ATXN3: variants seen among roughly 807,000 people sequenced by gnomAD.
The protein encoded by ATXN3 is ataxin-3.
In ATXN3, 28 loss-of-function variants were observed where a neutral mutation model predicts 58.2. The ratio of observed to expected loss-of-function variants is 0.48; its 90% CI spans 0.36 to 0.66. The LOEUF (loss-of-function observed/expected upper bound fraction) is 0.66, where lower values mean the gene tolerates loss of function less well. ATXN3 is among the 30% of genes least tolerant of loss of function. The pLI, the probability that ATXN3 is intolerant of heterozygous loss-of-function variation, is 0.00. For missense variants in ATXN3, 321 were observed against 422.1 expected, an observed-to-expected ratio of 0.76 and a Z score of 2.10; for synonymous variants, 113 against 138.5, an observed-to-expected ratio of 0.82 and a Z score of 1.29.
At chr14:92,079,900 G>C (rs1028852896) in intron 9 of ATXN3, among the ~76,000 whole-genome samples, 7 of 152,038 alleles carry the variant, frequency 4.6e-5, no homozygotes, top group African/African-American at 1.7e-4. Flanking sequence ...ACCATGCCCG[G>C]CTAATTTTTG....
chr14:92,068,444 T>A (rs114495966), intron 10 of ATXN3, among the ~76,000 whole-genome samples: 1 of 152,160 alleles, frequency 6.6e-6, no homozygotes, highest in Non-Finnish European at 1.5e-5. Context: ...GGTTTTCTCT[T>A]GGTCTGAACC....
chr14:92,071,205 A>C (rs1381584536), intron 9 of ATXN3, 152 bp from the exon 10 acceptor site: 105 of 1,198,210 alleles, frequency 8.8e-5, no homozygotes, highest in Non-Finnish European at 1.2e-4. Flanking sequence ...AGTCTGATAC[A>C]GATTACTTTA....
At chr14:92,076,583 C>G (rs55693371) in intron 9 of ATXN3, among the ~76,000 whole-genome samples, 20,569 of 151,174 alleles carry the variant, frequency 0.14, 1,596 homozygotes, top group African/African-American at 0.22. Context: ...TTAGATATAC[C>G]TGTAAATTTT....
chr14:92,058,153 T>G (rs2057499436), downstream of ATXN3, among the ~76,000 whole-genome samples: 1 of 152,234 alleles, frequency 6.6e-6, no homozygotes, highest in Non-Finnish European at 1.5e-5. Context: ...TGTGCTGGCC[T>G]GCGTTATTCA....
At chr14:92,101,984 C>G (rs1032118354) in intron 1 of ATXN3, among the ~76,000 whole-genome samples, 1 of 152,156 alleles carries the variant, frequency 6.6e-6, no homozygotes, top group Non-Finnish European at 1.5e-5. Flanking sequence ...GAAACCTCGT[C>G]TCTACTAAAA....
rs529883696 is a variant in ATXN3 at position 92,097,075 on chromosome 14, A to T, written c.25-237T>A. The T allele has an allele frequency of 5.3e-4, 211 of 401,798 alleles. 4 individuals are homozygous for T. In the East Asian group the frequency reaches 0.01, roughly 20 times the overall value. The allele number at this position is 401,798 out of a possible 1,614,324, so 24.9% of individuals were successfully genotyped here. A position where few individuals can be genotyped will look rare whatever the true frequency, so the allele number is the denominator to read the frequency against. Reference sequence around the variant, plus strand: ...GGCACCCGCCACCACGCCCGGCTAAATTTTTGTATTTTTAGTAGAGACGGG... The same window carrying T: ...GGCACCCGCCACCACGCCCGGCTAATTTTTTGTATTTTTAGTAGAGACGGG... On this transcript the variant is annotated intron_variant, in intron 1 of 10. Transcript: ENST00000644486.
intron 5 of ATXN3, among the ~76,000 whole-genome samples, chr14:92,089,798 C>G (rs1436886516): frequency 6.6e-6 from 1 of 152,188 alleles, no homozygotes; most frequent in African/African-American, 2.4e-5. Flanking sequence ...CCAATCATAT[C>G]TATCACACTG....
chr14:92,072,954 G>A (rs1456668877), intron 9 of ATXN3, among the ~76,000 whole-genome samples: 1 of 152,242 alleles, frequency 6.6e-6, no homozygotes, highest in Non-Finnish European at 1.5e-5. Flanking sequence ...TGACCTGTGT[G>A]TAGGTGTAAG....
intron 3 of ATXN3, among the ~76,000 whole-genome samples, chr14:92,094,454 T>C (rs910193645): frequency 6.6e-6 from 1 of 152,206 alleles, no homozygotes; most frequent in Non-Finnish European, 1.5e-5. Flanking sequence ...TCTGATAATT[T>C]GGCTGCTGTG....
At chr14:92,096,373 C>T in intron 2 of ATXN3, 4 of 1,330,434 alleles carry the variant, frequency 3.0e-6, no homozygotes, top group Non-Finnish European at 4.0e-6. Context: ...ACCTATAATC[C>T]CAGCACTTTG....
upstream of ATXN3, among the ~76,000 whole-genome samples, chr14:92,051,110 A>G (rs1222278005): frequency 6.6e-6 from 1 of 152,206 alleles, no homozygotes; most frequent in East Asian, 1.9e-4. Flanking sequence ...GCACTCTTGT[A>G]TTTCCCTTTA....
chr14:92,078,993 C>A (rs1176738847), intron 9 of ATXN3, among the ~76,000 whole-genome samples: 2 of 152,016 alleles, frequency 1.3e-5, no homozygotes, highest in Non-Finnish European at 2.9e-5. Context: ...TAAGGCCAGC[C>A]TGGACGACAT....
intron 6 of ATXN3, among the ~76,000 whole-genome samples, chr14:92,083,719 C>G (rs978725433): frequency 6.6e-6 from 1 of 152,122 alleles, no homozygotes; most frequent in Admixed American, 6.6e-5. Flanking sequence ...TTAATATTAT[C>G]AACTTGATTG....
rs1007003833 is a variant in ATXN3, at chr14:92,060,525, C to G, written c.*3795G>C. On this transcript the variant is annotated 3_prime_UTR_variant, in exon 11 of 11. Transcript: ENST00000644486. ...TCGCCCACCTCAGCCTCCAGAACTG[C>G]TGGGATTACAGGCGTGAGCCACTGC... The G allele has an allele frequency of 6.8e-6, 1 of 147,808 alleles. No individual in the cohort carries two copies. The highest frequency in any genetic ancestry group is 2.5e-5 in the African/African-American group (1 of 39,978). The allele number at this position is 147,808 out of a possible 1,614,324, so 9.2% of individuals were successfully genotyped here. A position where few individuals can be genotyped will look rare whatever the true frequency, so the allele number is the denominator to read the frequency against.
chr14:92,089,744 A>G (rs1352879801), intron 5 of ATXN3, among the ~76,000 whole-genome samples: 1 of 152,240 alleles, frequency 6.6e-6, no homozygotes, highest in Non-Finnish European at 1.5e-5. Context: ...CTTTATTAAT[A>G]GCTATAATTA....
Position 92,102,730 on chromosome 14 carries a change from T to C in ATXN3, c.24+3799A>G, listed in dbSNP as rs1007512823. 2.6e-5 allele frequency among the ~76,000 whole-genome samples: 4 copies of C among 152,206 alleles called. No individual in the cohort carries two copies. In the East Asian group the frequency reaches 7.7e-4, roughly 29 times the overall value. On this transcript the variant is annotated intron_variant, in intron 1 of 10. Coordinates refer to ENST00000644486, the MANE Select transcript of ATXN3 (RefSeq NM_004993.6). ...CTCTAACTCTCAGGTTATGTCTATGTTATTATCCCCACACTACAGAGGAGG... is the reference window on the plus strand; with the variant it reads ...CTCTAACTCTCAGGTTATGTCTATGCTATTATCCCCACACTACAGAGGAGG...
chr14:92,099,831 T>C (rs1056698156), intron 1 of ATXN3, among the ~76,000 whole-genome samples: 10 of 150,316 alleles, frequency 6.7e-5, no homozygotes, highest in Admixed American at 6.7e-5. Context: ...ACTGCACCAC[T>C]GCACTCCAGC....
intron 10 of ATXN3, among the ~76,000 whole-genome samples, chr14:92,068,148 AC>A (rs1377161839): frequency 2.0e-5 from 3 of 152,154 alleles, no homozygotes; most frequent in African/African-American, 7.2e-5. Context: ...CCTCCCTGTG[AC>A]CACTGACACC....
intron 9 of ATXN3, chr14:92,071,632 A>C (rs899253781): frequency 1.1e-5 from 3 of 266,974 alleles, no homozygotes; most frequent in East Asian, 2.0e-4. Flanking sequence ...TCATACAAAA[A>C]GATTCACTGG....
Sources: allele counts gnomAD v4.1 joint callset (sites outside exome capture counted in the v4.1 genomes callset), GRCh38; gene constraint gnomAD v4.1.1; transcripts MANE v1.5; gene names NCBI Gene and HGNC (gene_info 2026-07-23, HGNC 2026-07-21).